The following SULT6B1 variants were observed in gnomAD, a reference collection of about 807,000 sequenced individuals.
SULT6B1 encodes the protein sulfotransferase 6B1.
Under a neutral mutation model 37.2 loss-of-function variants are expected in SULT6B1, and 44 were observed. That is an observed-to-expected ratio of 1.18 (90% confidence interval 0.93 to 1.52). The LOEUF (loss-of-function observed/expected upper bound fraction) is 1.52, where lower values mean the gene tolerates loss of function less well. SULT6B1 is among the 40% of genes most tolerant of loss of function. SULT6B1 has a pLI of 0.00. For missense variants in SULT6B1, 450 were observed against 361.0 expected (o/e 1.25, Z -2.00); for synonymous variants, 140 against 126.0 (o/e 1.11, Z -0.74).
At chr2:37,190,461 C>T (rs900535251), upstream of SULT6B1, among the ~76,000 whole-genome samples, 2 of 152,184 alleles carry the variant, frequency 1.3e-5, no homozygotes, top group African/African-American at 4.8e-5. Flanking sequence ...TGTACCACAT[C>T]CCCTTCCAAA....
At chr2:37,168,287 G>A (rs113509399) in intron 6 of SULT6B1, among the ~76,000 whole-genome samples, 2,547 of 152,096 alleles carry the variant, frequency 0.017, 71 homozygotes, top group African/African-American at 0.056. Context: ...TTAGCCTACC[G>A]AGTAGCTGGG....
chr2:37,167,839 A>G lies in SULT6B1; in HGVS notation c.*96T>C. 2 of 1,055,660 alleles carry G rather than the reference A, an allele frequency of 1.9e-6. No individual in the cohort carries two copies. The highest frequency in any genetic ancestry group is 1.9e-5 in the South Asian group (1 of 53,770). 65.4% of individuals were successfully genotyped at this position (1,055,660 alleles called of 1,614,324 possible). Reference sequence around the variant, plus strand: ...TATTATTTAGATTTCAATATTGTTTAATTATTATTTGATTATTTGATTGAA... The same window carrying G: ...TATTATTTAGATTTCAATATTGTTTGATTATTATTTGATTATTTGATTGAA... On this transcript the variant is annotated 3_prime_UTR_variant, in exon 7 of 7. Transcript: ENST00000535679.
chr2:37,191,414 C>T (rs1371323781), upstream of SULT6B1, among the ~76,000 whole-genome samples: 1 of 152,188 alleles, frequency 6.6e-6, no homozygotes, highest in African/African-American at 2.4e-5. Context: ...TGTTATAGCT[C>T]ATTCAGTCCC....
intron 2 of SULT6B1, among the ~76,000 whole-genome samples, chr2:37,185,726 A>AAAAAAAAAC (rs1676658897): frequency 7.6e-6 from 1 of 131,518 alleles, no homozygotes; most frequent in African/African-American, 2.6e-5. Flanking sequence ...TCAAAAAAAA[A>AAAAAAAAAC]AAAAAAAAAA....
At chr2:37,178,160 T>A (rs1676470656) in intron 4 of SULT6B1, among the ~76,000 whole-genome samples, 1 of 152,184 alleles carries the variant, frequency 6.6e-6, no homozygotes, top group Non-Finnish European at 1.5e-5. Context: ...TTCTCCTGCA[T>A]CAGCCTCCCA....
intron 6 of SULT6B1, among the ~76,000 whole-genome samples, chr2:37,170,466 C>G (rs916771908): frequency 2.7e-5 from 4 of 148,782 alleles, no homozygotes. Flanking sequence ...GACTCTGTCT[C>G]AAAAAAAATA....
At position 37,184,681 on chromosome 2, in the gene SULT6B1, A is replaced by C. The variant is rs1676631611; in HGVS notation, c.313-1167T>G. 1.3e-5 allele frequency among the ~76,000 whole-genome samples: 2 copies of C among 152,304 alleles called. 1 individual carries two copies. Among genetic ancestry groups the C allele is most frequent in the South Asian group, 4.1e-4 (2 of 4,828 alleles). On this transcript the variant is annotated intron_variant, in intron 2 of 6. Transcript: ENST00000535679. ...CCCCATCTCTACTAAAAATACAAAA[A>C]ATTAGCTGGGCGTGGTGGTGCACAC... is the stretch of plus-strand genomic sequence containing the variant.
At chr2:37,173,533 T>C (rs962117046) in intron 5 of SULT6B1, among the ~76,000 whole-genome samples, 4 of 152,024 alleles carry the variant, frequency 2.6e-5, no homozygotes, top group Admixed American at 1.3e-4. Flanking sequence ...CTAATAAACA[T>C]CTCAAATTTA....
At chr2:37,189,307 T>C (rs148492422), upstream of SULT6B1, among the ~76,000 whole-genome samples, 14 of 152,352 alleles carry the variant, frequency 9.2e-5, no homozygotes, top group African/African-American at 3.1e-4. Flanking sequence ...GTAACCTCAA[T>C]TCTTGCCTCC....
In SULT6B1 at chr2:37,188,614, T is replaced by G; in HGVS notation, c.27A>C (p.Glu9Asp). MADKSKFI[E>D]YIDEALEKSK... ...ATTTTTCTAAAGCTTCGTCAATGTA[T>G]TCAATAAATTTGGATTTATCAGCCA... The change falls in exon 1 of 7, where the codon GAA becomes GAC. Residue 9 changes from glutamate to aspartate, a missense_variant. By Grantham distance (45) the Glu-to-Asp change is conservative (BLOSUM62 2). Coordinates refer to ENST00000535679, the MANE Select transcript of SULT6B1 (RefSeq NM_001367551.1). 1 of 1,435,064 alleles carries G rather than the reference T, an allele frequency of 7.0e-7. No individual in the cohort carries two copies. Among genetic ancestry groups the G allele is most frequent in the Non-Finnish European group, 9.8e-7 (1 of 1,020,026 alleles). 88.9% of individuals were successfully genotyped at this position (1,435,064 alleles called of 1,614,324 possible). A position where few individuals can be genotyped will look rare whatever the true frequency, so the allele number is the denominator to read the frequency against.
chr2:37,192,633 T>C (rs1473684655), upstream of SULT6B1, among the ~76,000 whole-genome samples: 2 of 152,244 alleles, frequency 1.3e-5, no homozygotes, highest in Admixed American at 6.5e-5. Context: ...CTTGCCAATC[T>C]GCTTAGCGGG....
intron 1 of SULT6B1, chr2:37,194,493 G>T: frequency 2.5e-6 from 1 of 395,270 alleles, no homozygotes; most frequent in South Asian, 2.1e-5. Context: ...ACGCGGATAC[G>T]GTACGGGACA....
chr2:37,192,211 A>G (rs1424813323), upstream of SULT6B1, among the ~76,000 whole-genome samples: 1 of 152,238 alleles, frequency 6.6e-6, no homozygotes, highest in Non-Finnish European at 1.5e-5. Flanking sequence ...CAATTGTAAG[A>G]TGCATTCCTA....
intron 4 of SULT6B1, among the ~76,000 whole-genome samples, chr2:37,178,224 AT>A (rs1676472107): frequency 6.6e-6 from 1 of 151,500 alleles, no homozygotes; most frequent in Admixed American, 6.6e-5. Flanking sequence ...TTGTATTTTT[AT>A]TTCTTTATTT....
intron 2 of SULT6B1, 29 bp from the exon 3 acceptor site, chr2:37,183,543 T>A (rs1212590714): frequency 5.2e-6 from 8 of 1,526,704 alleles, no homozygotes; most frequent in Non-Finnish European, 7.3e-6. Flanking sequence ...AAGGTGAAAA[T>A]GTGCACGTGT....
intron 5 of SULT6B1, among the ~76,000 whole-genome samples, chr2:37,172,828 T>TTGTG (rs1019658266): frequency 6.8e-6 from 1 of 147,028 alleles, no homozygotes. Context: ...ATTTGCTTGT[T>TTGTG]TGTTTGTTTG....
At chr2:37,181,504 C>A (rs114700278) in intron 3 of SULT6B1, among the ~76,000 whole-genome samples, 3,524 of 152,262 alleles carry the variant, frequency 0.023, 65 homozygotes, top group Middle Eastern at 0.054. Flanking sequence ...CTCAGCCTCC[C>A]AAGTAGCTGG....
chr2:37,180,054 A>G (rs149683943), intron 3 of SULT6B1, among the ~76,000 whole-genome samples: 23 of 152,350 alleles, frequency 1.5e-4, no homozygotes, highest in African/African-American at 5.0e-4. Flanking sequence ...CTGAATTCCT[A>G]TATCTGCCTT....
At chr2:37,168,795 G>A (rs1044840332) in intron 6 of SULT6B1, among the ~76,000 whole-genome samples, 1 of 152,032 alleles carries the variant, frequency 6.6e-6, no homozygotes, top group Non-Finnish European at 1.5e-5. Flanking sequence ...TTTTCTTACT[G>A]GCTGTTACCA....
Sources: allele counts gnomAD v4.1 joint callset (sites outside exome capture counted in the v4.1 genomes callset), GRCh38; gene constraint gnomAD v4.1.1; transcripts MANE v1.5; gene names NCBI Gene and HGNC (gene_info 2026-07-23, HGNC 2026-07-21).